Variants in EYS observed in about 807,000 individuals in gnomAD.
The protein encoded by EYS is protein eyes shut homolog.
A neutral mutation model predicts 282.1 loss-of-function variants in EYS; 250 were observed. That is an observed-to-expected ratio of 0.89 (90% CI 0.80 to 0.98). The LOEUF is 0.98. Ranked by LOEUF, EYS falls within the 50% of genes least tolerant of loss-of-function variation. EYS has a pLI of 0.00. For synonymous variants in EYS, 1,355 were observed against 1,282.9 expected (o/e 1.06, Z -1.20); for missense variants, 4,016 against 3,709.0 (o/e 1.08, Z -2.15).
At chr6:63,957,018 A>T (rs1357541589) in intron 35 of EYS, among the ~76,000 whole-genome samples, 1 of 152,222 alleles carries the variant, frequency 6.6e-6, no homozygotes, top group Non-Finnish European at 1.5e-5. Context: ...CCTTTTGCAC[A>T]GATTGATAAA....
intron 2 of EYS, among the ~76,000 whole-genome samples, chr6:65,619,374 G>C (rs1285964057): frequency 6.6e-6 from 1 of 152,072 alleles, no homozygotes; most frequent in Non-Finnish European, 1.5e-5. Context: ...TGGTGTATAA[G>C]AATGCTTGTG....
At chr6:65,313,021 T>G (rs1190526687) in intron 11 of EYS, among the ~76,000 whole-genome samples, 4 of 152,174 alleles carry the variant, frequency 2.6e-5, no homozygotes, top group African/African-American at 9.7e-5. Flanking sequence ...GATCCCCTAC[T>G]GTTTCGTGGA....
chr6:65,347,604 C>T (rs1434898588), intron 9 of EYS, among the ~76,000 whole-genome samples: 1 of 150,002 alleles, frequency 6.7e-6, no homozygotes, highest in African/African-American at 2.5e-5. Flanking sequence ...TGGGTAAATA[C>T]TAGGTGTATA....
At chr6:65,296,444 A>G (rs1258418669) in intron 11 of EYS, among the ~76,000 whole-genome samples, 1 of 151,798 alleles carries the variant, frequency 6.6e-6, no homozygotes, top group East Asian at 1.9e-4. Context: ...GTGTATTCAT[A>G]TATTATTAGG....
intron 29 of EYS, among the ~76,000 whole-genome samples, chr6:64,377,288 T>G (rs1487758325): frequency 6.6e-6 from 1 of 152,180 alleles, no homozygotes; most frequent in African/African-American, 2.4e-5. Flanking sequence ...TATTAGGATT[T>G]TTAAATTTGT....
At chr6:64,686,789 G>A (rs12206107) in intron 22 of EYS, among the ~76,000 whole-genome samples, 3,963 of 10,852 alleles carry the variant, frequency 0.37, 641 homozygotes, top group African/African-American at 0.39. Flanking sequence ...ATATATATAT[G>A]TGTGTATATA....
chr6:64,548,074 C>T (rs115065705), intron 26 of EYS, among the ~76,000 whole-genome samples: 2,467 of 152,280 alleles, frequency 0.016, 57 homozygotes, highest in African/African-American at 0.056. Context: ...CTGATAGAGC[C>T]GGCTCCAGCC....
Position 65,296,539 on chromosome 6 carries a change from C to CAT in EYS, c.1767-422_1767-421dup, listed in dbSNP as rs1768671212. 2.6e-5 allele frequency among the ~76,000 whole-genome samples: 4 copies of CAT among 151,320 alleles called. No homozygotes were observed. The Admixed American group carries it at 2.6e-4, about 10-fold the overall frequency. ...CTTTTGTCACAACTATATATATATA[C>CAT]ATATATATAAGATTATTCAAACTCA... is the stretch of plus-strand genomic sequence containing the variant. On this transcript the variant is annotated intron_variant, in intron 11 of 42. Transcript: ENST00000503581.
chr6:65,158,759 C>T (rs1408848890), intron 12 of EYS, among the ~76,000 whole-genome samples: 2 of 150,824 alleles, frequency 1.3e-5, no homozygotes, highest in Non-Finnish European at 1.5e-5. Flanking sequence ...TAAAATAAAA[C>T]TGTATTATGG....
chr6:64,501,013 C>G (rs16895342), intron 26 of EYS, among the ~76,000 whole-genome samples: 7,758 of 142,696 alleles, frequency 0.054, 680 homozygotes, highest in African/African-American at 0.19. Flanking sequence ...TTCTACTTGT[C>G]ATTATTTTGG....
intron 1 of EYS, among the ~76,000 whole-genome samples, chr6:65,699,896 T>C (rs2814115): frequency 0.82 from 122,899 of 150,718 alleles, 50,182 homozygotes; most frequent in East Asian, 0.85. Flanking sequence ...GGGCGAATCA[T>C]GAGGTCAGGA....
At chr6:63,961,245 G>A (rs1224141376) in intron 35 of EYS, among the ~76,000 whole-genome samples, 4 of 152,270 alleles carry the variant, frequency 2.6e-5, no homozygotes, top group East Asian at 1.9e-4. Context: ...TGACTTGCAC[G>A]TATACATCTA....
chr6:63,887,380 G>A (rs1306906246), intron 35 of EYS, among the ~76,000 whole-genome samples: 1 of 135,104 alleles, frequency 7.4e-6, no homozygotes, highest in East Asian at 2.3e-4. Context: ...TAGCCAAATA[G>A]GAAAAGCTCC....
intron 22 of EYS, among the ~76,000 whole-genome samples, chr6:64,779,103 CAT>C (rs779499812): frequency 5.3e-5 from 8 of 152,060 alleles, no homozygotes; most frequent in Non-Finnish European, 8.8e-5. Context: ...CAAAAGTAAA[CAT>C]ATTCTTACCA....
chr6:64,040,170 C>T (rs149256605), intron 33 of EYS, among the ~76,000 whole-genome samples: 1,596 of 152,154 alleles, frequency 0.01, 29 homozygotes, highest in African/African-American at 0.036. Context: ...ATTTCCATAC[C>T]GTGTAAATTG....
intron 13 of EYS, among the ~76,000 whole-genome samples, chr6:65,013,890 A>G (rs1451210001): frequency 1.3e-5 from 2 of 152,134 alleles, no homozygotes. Context: ...TGTGGGTAAG[A>G]TATGTGAATA....
chr6:65,483,608 T>A (rs1247395989), intron 5 of EYS, among the ~76,000 whole-genome samples: 1 of 152,024 alleles, frequency 6.6e-6, no homozygotes, highest in Non-Finnish European at 1.5e-5. Context: ...GGTAGAAAAA[T>A]GTACATATAT....
intron 33 of EYS, among the ~76,000 whole-genome samples, chr6:64,003,330 G>A (rs1273601500): frequency 1.3e-5 from 2 of 152,172 alleles, no homozygotes; most frequent in African/African-American, 2.4e-5. Flanking sequence ...GGGTTGGAAC[G>A]ATTGTTACTG....
intron 2 of EYS, among the ~76,000 whole-genome samples, chr6:65,621,176 G>A (rs925689521): frequency 2.6e-5 from 4 of 152,120 alleles, no homozygotes; most frequent in South Asian, 2.1e-4. Context: ...CACTATTAAT[G>A]TGTGGGAGTC....
Sources: allele counts gnomAD v4.1 joint callset (sites outside exome capture counted in the v4.1 genomes callset), GRCh38; gene constraint gnomAD v4.1.1; transcripts MANE v1.5; gene names NCBI Gene and HGNC (gene_info 2026-07-23, HGNC 2026-07-21).